MKLN1: variants seen among roughly 807,000 people sequenced by gnomAD.
MKLN1 encodes the protein muskelin 1.
Under a neutral mutation model 99.0 loss-of-function variants are expected in MKLN1, and 18 were observed. The observed-to-expected ratio is 0.18, with a 90% CI of 0.13 to 0.27. The LOEUF (loss-of-function observed/expected upper bound fraction) is 0.27, where lower values mean the gene tolerates loss of function less well. Ranked by LOEUF, MKLN1 falls within the 10% of genes least tolerant of loss-of-function variation. The pLI is 1.00. For missense variants in MKLN1, 621 were observed against 875.9 expected (o/e 0.71, Z 3.67); for synonymous variants, 288 against 293.2 (o/e 0.98, Z 0.18).
intron 3 of MKLN1, among the ~76,000 whole-genome samples, chr7:131,276,505 T>C (rs1797977396): frequency 6.6e-6 from 1 of 152,148 alleles, no homozygotes; most frequent in African/African-American, 2.4e-5. Context: ...AGCGTTCCAA[T>C]GGCACATGAA....
intron 3 of MKLN1, chr7:131,242,700 C>A: frequency 1.5e-6 from 1 of 668,656 alleles, no homozygotes; most frequent in Non-Finnish European, 2.8e-6. Flanking sequence ...CTTAGATCGC[C>A]CCTACAGCCA....
At chr7:131,358,674 T>C (rs1799947082) in intron 1 of MKLN1, among the ~76,000 whole-genome samples, 1 of 152,204 alleles carries the variant, frequency 6.6e-6, no homozygotes, top group South Asian at 2.1e-4. Flanking sequence ...GATTTTCTTT[T>C]TGGAAGATTA....
In MKLN1 at chr7:131,481,758, G is replaced by GTAA. The variant is rs1797125976; in HGVS notation, c.2086+3081_2086+3082insTAA. Among the ~76,000 whole-genome samples the GTAA allele has an allele frequency of 2.7e-5, 4 of 150,710 alleles. No individual in the cohort carries two copies. In the South Asian group the frequency reaches 8.4e-4, roughly 32 times the overall value. On this transcript the variant is annotated intron_variant, in intron 17 of 17. Transcript: ENST00000352689. ...TGCCAATTAGAATAGAAATAAAATG[G>GTAA]GTTATTTACTGTACCTTTCATTGTA...
chr7:131,142,773 T>C, intron 1 of MKLN1: 1 of 459,554 alleles, frequency 2.2e-6, no homozygotes, highest in Non-Finnish European at 3.9e-6. Context: ...AGAGGGCAAT[T>C]AATAGAGGTA....
At chr7:131,115,861 G>A (rs1795269173) in intron 1 of MKLN1, among the ~76,000 whole-genome samples, 1 of 152,084 alleles carries the variant, frequency 6.6e-6, no homozygotes, top group Non-Finnish European at 1.5e-5. Flanking sequence ...CACCTGAAGT[G>A]TCCTTCTCTC....
At chr7:131,395,876 A>G (rs1362841653) in intron 4 of MKLN1, among the ~76,000 whole-genome samples, 1 of 151,830 alleles carries the variant, frequency 6.6e-6, no homozygotes, top group Non-Finnish European at 1.5e-5. Context: ...CATTTATTCA[A>G]TTATTCACTA....
intron 4 of MKLN1, among the ~76,000 whole-genome samples, chr7:131,394,210 A>C (rs1794289410): frequency 6.6e-6 from 1 of 152,076 alleles, no homozygotes; most frequent in Non-Finnish European, 1.5e-5. Flanking sequence ...AGGCATATTA[A>C]ATATCCCAGC....
chr7:131,118,958 C>T (rs1795319528), intron 1 of MKLN1, among the ~76,000 whole-genome samples: 3 of 152,212 alleles, frequency 2.0e-5, no homozygotes, highest in Admixed American at 6.5e-5. Flanking sequence ...GCCCCTCCCA[C>T]ATTTCATGTC....
chr7:131,224,422 T>A (rs890603590), intron 3 of MKLN1, among the ~76,000 whole-genome samples: 4 of 152,102 alleles, frequency 2.6e-5, no homozygotes, highest in African/African-American at 9.7e-5. Context: ...GGCGAGTGCC[T>A]GTAATCCCAG....
chr7:131,357,184 T>C (rs1033591966), intron 1 of MKLN1, among the ~76,000 whole-genome samples: 1 of 152,226 alleles, frequency 6.6e-6, no homozygotes, highest in African/African-American at 2.4e-5. Context: ...CAAGTTCCTA[T>C]TGAGGATACC....
chr7:131,205,229 A>C (rs570806706), intron 3 of MKLN1, among the ~76,000 whole-genome samples: 1 of 152,202 alleles, frequency 6.6e-6, no homozygotes, highest in South Asian at 2.1e-4. Flanking sequence ...AATCGGAGAA[A>C]ACAAACCTAA....
intron 1 of MKLN1, among the ~76,000 whole-genome samples, chr7:131,127,843 G>C (rs1238236466): frequency 6.6e-6 from 1 of 152,188 alleles, no homozygotes; most frequent in Non-Finnish European, 1.5e-5. Context: ...TGTGGGTTTG[G>C]GATCACAGAT....
At chr7:131,126,321 TAGTAA>T (rs1563223385) in intron 1 of MKLN1, among the ~76,000 whole-genome samples, 3 of 152,130 alleles carry the variant, frequency 2.0e-5, no homozygotes. Flanking sequence ...CTTATGTTTA[TAGTAA>T]AGAATAATAA....
At chr7:131,427,429 A>G (rs185021939) in intron 8 of MKLN1, among the ~76,000 whole-genome samples, 25 of 152,336 alleles carry the variant, frequency 1.6e-4, no homozygotes, top group Non-Finnish European at 3.5e-4. Context: ...AGAGTACATG[A>G]CTTTACAGTT....
intron 3 of MKLN1, among the ~76,000 whole-genome samples, chr7:131,305,496 T>G (rs551555261): frequency 6.6e-6 from 1 of 152,236 alleles, no homozygotes; most frequent in Non-Finnish European, 1.5e-5. Context: ...CTCTATTTCC[T>G]TGGATAAGTC....
chr7:131,349,581 A>C (rs1356729294), intron 1 of MKLN1, among the ~76,000 whole-genome samples: 1 of 152,222 alleles, frequency 6.6e-6, no homozygotes, highest in Non-Finnish European at 1.5e-5. Context: ...TCATTGCCAG[A>C]TCATGTCCAA....
chr7:131,242,751 A>G (rs13233476), intron 3 of MKLN1: 130,742 of 690,752 alleles, frequency 0.19, 14,263 homozygotes, highest in Non-Finnish European at 0.24. Context: ...CCACAAAGTG[A>G]CAGCTGCCAT....
At chr7:131,289,595 T>C (rs1383424009) in intron 3 of MKLN1, among the ~76,000 whole-genome samples, 3 of 152,234 alleles carry the variant, frequency 2.0e-5, no homozygotes, top group Admixed American at 1.3e-4. Context: ...TTTAACAGCA[T>C]GCATCACTAG....
chr7:131,253,128 A>T (rs1290534828), intron 3 of MKLN1, among the ~76,000 whole-genome samples: 1 of 152,210 alleles, frequency 6.6e-6, no homozygotes, highest in African/African-American at 2.4e-5. Context: ...CTAAGGGCGT[A>T]CAACAAATGA....
Sources: allele counts gnomAD v4.1 joint callset (sites outside exome capture counted in the v4.1 genomes callset), GRCh38; gene constraint gnomAD v4.1.1; transcripts MANE v1.5; gene names NCBI Gene and HGNC (gene_info 2026-07-23, HGNC 2026-07-21).